Variants in MMAA observed in about 807,000 individuals in gnomAD.
MMAA encodes metabolism of cobalamin associated A.
MMAA carries 41 observed loss-of-function variants against 45.0 expected under a neutral mutation model. That is an observed-to-expected ratio of 0.91 (90% CI 0.71 to 1.18). MMAA has a LOEUF of 1.18. Among genes scored for constraint, MMAA ranks in the 50% most tolerant of loss-of-function variants. The pLI, the probability that MMAA is intolerant of heterozygous loss-of-function variation, is 0.00. For synonymous variants in MMAA, 154 were observed against 178.2 expected (o/e 0.86, Z 1.08); for missense variants, 460 against 495.7 (o/e 0.93, Z 0.68).
chr4:145,625,288 G>C (rs756352462), intron 1 of MMAA: 15 of 747,542 alleles, frequency 2.0e-5, no homozygotes, highest in African/African-American at 3.5e-5. Context: ...GGTTTCCCCA[G>C]ACATTAGTAA....
At chr4:145,633,311 G>A (rs116704986) in intron 1 of MMAA, among the ~76,000 whole-genome samples, 2,190 of 132,708 alleles carry the variant, frequency 0.017, 64 homozygotes, top group African/African-American at 0.06. Flanking sequence ...TGATTCTTTT[G>A]TATCAGCCTC....
intron 2 of MMAA, 113 bp downstream of exon 2, chr4:145,639,691 A>G (rs574425559): frequency 2.8e-6 from 4 of 1,447,414 alleles, no homozygotes; most frequent in Admixed American, 5.7e-5. Flanking sequence ...TTTTCACAAT[A>G]TTTGGATGAA....
At chr4:145,622,057 A>G (rs576253017) in intron 1 of MMAA, among the ~76,000 whole-genome samples, 38 of 152,346 alleles carry the variant, frequency 2.5e-4, no homozygotes, top group African/African-American at 8.9e-4. Context: ...TGTGCTATAA[A>G]TACAAAGATA....
chr4:145,623,066 A>G (rs1734121555), intron 1 of MMAA, among the ~76,000 whole-genome samples: 1 of 152,268 alleles, frequency 6.6e-6, no homozygotes, highest in African/African-American at 2.4e-5. Flanking sequence ...GACATTTTAA[A>G]GCATGGACAT....
intron 1 of MMAA, among the ~76,000 whole-genome samples, chr4:145,633,665 C>G (rs1488652362): frequency 6.6e-6 from 1 of 152,148 alleles, no homozygotes; most frequent in Non-Finnish European, 1.5e-5. Context: ...TTGTCTGTAT[C>G]TGGACATTAA....
chr4:145,655,192 T>C lies in MMAA; in HGVS notation c.1015T>C (p.Trp339Arg). The C allele has an allele frequency of 3.1e-6, 5 of 1,614,132 alleles. No homozygotes were observed. The highest frequency in any genetic ancestry group is 4.2e-6 in the Non-Finnish European group (5 of 1,180,002). ...ARSGEGISEM[W>R]DKMKDFQDLM... is the part of the protein sequence containing the mutation. The stretch of plus-strand genomic sequence containing the variant: ...AAGTGGAGAGGGGATCTCTGAAATG[T>C]GGGATAAAATGAAAGATTTCCAGGA... Residue 339 changes from tryptophan (W) to arginine (R), a missense_variant, in exon 7 of 7, where the codon TGG (tryptophan) becomes CGG (arginine). Physicochemically the swap from Trp to Arg is moderately radical, Grantham distance 101. Coordinates refer to ENST00000649156, the MANE Select transcript of MMAA (RefSeq NM_172250.3).
At chr4:145,636,106 G>A (rs1189464441) in intron 1 of MMAA, among the ~76,000 whole-genome samples, 1 of 152,206 alleles carries the variant, frequency 6.6e-6, no homozygotes, top group Non-Finnish European at 1.5e-5. Flanking sequence ...AAAGTGGCTG[G>A]TAGACTCTAA....
At position 145,655,226 on chromosome 4, in the gene MMAA, T is replaced by C; in HGVS notation, c.1049T>C (p.Leu350Pro). ...ATGAAAGATTTCCAGGACCTAATGC[T>C]TGCCAGTGGGGAGCTGACTGCCAAA... Reference protein sequence around the residue: ...DKMKDFQDLMLASGELTAKRR... With the variant: ...DKMKDFQDLMPASGELTAKRR... The change falls in exon 7 of 7, where the codon CTT (leucine) becomes CCT (proline). Residue 350 changes from leucine to proline, a missense_variant. Physicochemically the swap from Leu to Pro is moderately conservative, Grantham distance 98. Coordinates refer to ENST00000649156, the MANE Select transcript of MMAA (RefSeq NM_172250.3). 1 of 1,614,182 alleles carries C rather than the reference T, an allele frequency of 6.2e-7. No homozygotes were observed. The highest frequency in any genetic ancestry group is 8.5e-7 in the Non-Finnish European group (1 of 1,180,016).
chr4:145,632,634 C>T (rs1727480485), intron 1 of MMAA, among the ~76,000 whole-genome samples: 2 of 152,150 alleles, frequency 1.3e-5, no homozygotes, highest in Non-Finnish European at 2.9e-5. Flanking sequence ...AGGCCAATAG[C>T]TCTTAGATTT....
rs546490347 is a variant in MMAA at position 145,657,894 on chromosome 4, C to T, written c.*2460C>T. On this transcript the variant is annotated 3_prime_UTR_variant, in exon 7 of 7. Coordinates refer to ENST00000649156, the MANE Select transcript of MMAA (RefSeq NM_172250.3). The stretch of plus-strand genomic sequence containing the variant: ...CCCAAGTCTCATGTTGAAATGTAAT[C>T]CCCAATCTTGGAGGTGGAGCCTGGT... 4 of 152,172 alleles carry T rather than the reference C, an allele frequency of 2.6e-5. No homozygotes were observed. The highest frequency in any genetic ancestry group is 9.7e-5 in the African/African-American group (4 of 41,432). The allele number at this position is 152,172 out of a possible 1,614,324, so 9.4% of individuals were successfully genotyped here.
chr4:145,653,203 G>A (rs1396380330), intron 5 of MMAA, among the ~76,000 whole-genome samples: 1 of 152,204 alleles, frequency 6.6e-6, no homozygotes, highest in East Asian at 1.9e-4. Context: ...CAATGCTTCT[G>A]TTTCAATTTT....
chr4:145,647,256 G>A (rs1049127892), intron 4 of MMAA, among the ~76,000 whole-genome samples: 11 of 152,190 alleles, frequency 7.2e-5, no homozygotes, highest in African/African-American at 1.9e-4. Flanking sequence ...AGAGAATACT[G>A]TAGAAAAAGT....
chr4:145,642,618 A>G (rs1386376803), intron 3 of MMAA, 133 bp downstream of exon 3: 3 of 1,265,724 alleles, frequency 2.4e-6, no homozygotes, highest in East Asian at 4.7e-5. Context: ...GGAGTTCTGC[A>G]GAGTTAGGTG....
In MMAA at chr4:145,655,704, G is replaced by T; in HGVS notation, c.*270G>T. On this transcript the variant is annotated 3_prime_UTR_variant, in exon 7 of 7. Coordinates refer to ENST00000649156, the MANE Select transcript of MMAA (RefSeq NM_172250.3). ...CCTGTAGGGTAGTTTCTTCTTAATA[G>T]TCAAGAACAGAGAAAGCTGAGGAGA... 1 of 298,132 alleles carries T rather than the reference G, an allele frequency of 3.4e-6. No homozygotes were observed. Among genetic ancestry groups the T allele is most frequent in the East Asian group, 6.5e-5 (1 of 15,480 alleles). The allele number at this position is 298,132 out of a possible 1,614,324, so 18.5% of individuals were successfully genotyped here. A position where few individuals can be genotyped will look rare whatever the true frequency, so the allele number is the denominator to read the frequency against.
rs1728335604 is a variant in MMAA, at chr4:145,659,765, T to C, written c.*4331T>C. The C allele has an allele frequency of 6.6e-6, 1 of 152,230 alleles. No individual in the cohort carries two copies. Among genetic ancestry groups the C allele is most frequent in the South Asian group, 2.1e-4 (1 of 4,828 alleles). 9.4% of individuals were successfully genotyped at this position (152,230 alleles called of 1,614,324 possible). A position where few individuals can be genotyped will look rare whatever the true frequency, so the allele number is the denominator to read the frequency against. On this transcript the variant is annotated 3_prime_UTR_variant, in exon 7 of 7. Coordinates refer to ENST00000649156, the MANE Select transcript of MMAA (RefSeq NM_172250.3). ...TTGTGTAATGATCAAATCGGAGTAC[T>C]TAGCATATCTATCATCTCGTGCATT...
At chr4:145,620,973 T>C (rs1031199981) in intron 1 of MMAA, among the ~76,000 whole-genome samples, 1 of 152,058 alleles carries the variant, frequency 6.6e-6, no homozygotes, top group Non-Finnish European at 1.5e-5. Flanking sequence ...CGGTGAACTT[T>C]TGGAGGAATT....
At chr4:145,643,896 C>T (rs1310650280) in intron 3 of MMAA, among the ~76,000 whole-genome samples, 1 of 152,036 alleles carries the variant, frequency 6.6e-6, no homozygotes, top group Non-Finnish European at 1.5e-5. Flanking sequence ...AGTTACATAG[C>T]TATGTGTTTC....
At chr4:145,653,066 T>G (rs1489378679) in intron 5 of MMAA, among the ~76,000 whole-genome samples, 3 of 152,044 alleles carry the variant, frequency 2.0e-5, no homozygotes, top group African/African-American at 7.2e-5. Context: ...ACAGATGAAG[T>G]CTTGCTTTGT....
intron 1 of MMAA, among the ~76,000 whole-genome samples, chr4:145,629,936 A>G (rs1734296657): frequency 1.3e-5 from 2 of 152,128 alleles, no homozygotes; most frequent in African/African-American, 4.8e-5. Context: ...TTGGGTGGGG[A>G]CACAGAGCCA....
Sources: gnomAD v4.1 joint callset for allele counts (sites outside exome capture counted in the v4.1 genomes callset) on GRCh38, gnomAD v4.1.1 for gene constraint, MANE v1.5 for transcripts, NCBI Gene and HGNC (gene_info 2026-07-23, HGNC 2026-07-21) for gene names.